PEX5L: variants seen among roughly 807,000 people sequenced by gnomAD.
The protein encoded by PEX5L is peroxisomal biogenesis factor 5 like.
PEX5L carries 30 observed loss-of-function variants against 84.0 expected under a neutral mutation model. The ratio of observed to expected loss-of-function variants is 0.36; its 90% CI spans 0.27 to 0.48. The LOEUF (loss-of-function observed/expected upper bound fraction) is 0.48, where lower values mean the gene tolerates loss of function less well. PEX5L is among the 20% of genes least tolerant of loss of function. PEX5L has a pLI of 0.99. For synonymous variants in PEX5L, 270 were observed against 283.1 expected (o/e 0.95, Z 0.46); for missense variants, 533 against 754.6 (o/e 0.71, Z 3.44).
Position 179,853,764 on chromosome 3 carries a change from CTCT to C in PEX5L, c.822+5295_822+5297del, listed in dbSNP as rs755770618. On this transcript the variant is annotated intron_variant, in intron 8 of 14. Coordinates refer to ENST00000467460, the MANE Select transcript of PEX5L (RefSeq NM_016559.3). ...CAATTTTTCTTTTCTCTTCTTCCTC[CTCT>C]TCTTCTTCTTCTTCTTCCTCTTCCT... is the stretch of plus-strand genomic sequence containing the variant. 5.1e-3 allele frequency among the ~76,000 whole-genome samples: 774 copies of C among 151,332 alleles called. 5 individuals carry two copies. The highest frequency in any genetic ancestry group is 7.8e-3 in the Non-Finnish European group (530 of 67,774).
intron 8 of PEX5L, among the ~76,000 whole-genome samples, chr3:179,853,955 G>T (rs984360513): frequency 3.3e-5 from 5 of 150,620 alleles, no homozygotes; most frequent in Non-Finnish European, 7.4e-5. Flanking sequence ...GGGATGACAA[G>T]TACGTGCCAC....
intron 8 of PEX5L, among the ~76,000 whole-genome samples, chr3:179,832,104 G>T (rs896631286): frequency 6.6e-6 from 1 of 152,086 alleles, no homozygotes; most frequent in Non-Finnish European, 1.5e-5. Flanking sequence ...GTCTATATAA[G>T]AGATGATAGT....
intron 12 of PEX5L, among the ~76,000 whole-genome samples, chr3:179,808,967 G>T (rs548021506): frequency 2.7e-5 from 4 of 150,850 alleles, no homozygotes; most frequent in Non-Finnish European, 5.9e-5. Flanking sequence ...CCAGCTGCTC[G>T]GGAGGCTGAG....
chr3:179,822,482 CTAAT>C (rs745924900), intron 8 of PEX5L, among the ~76,000 whole-genome samples: 38 of 152,194 alleles, frequency 2.5e-4, no homozygotes, highest in Non-Finnish European at 5.4e-4. Context: ...TTACTGCTGA[CTAAT>C]TAAAGTGCAG....
chr3:179,881,177 G>A (rs769842420), intron 4 of PEX5L: 1 of 152,376 alleles, frequency 6.6e-6, no homozygotes, highest in Non-Finnish European at 1.5e-5. Context: ...TTTTCCTCTA[G>A]GTGGGGGATG....
At chr3:179,996,221 C>A (rs1360735216) in intron 1 of PEX5L, among the ~76,000 whole-genome samples, 1 of 152,104 alleles carries the variant, frequency 6.6e-6, no homozygotes, top group Admixed American at 6.6e-5. Flanking sequence ...GTGTGCTACA[C>A]TCGAAAAGAG....
In PEX5L at chr3:179,874,731, TTTTTTTG is replaced by T. The variant is rs1487693282; in HGVS notation, c.630-315_630-309del. 7.5e-3 allele frequency among the ~76,000 whole-genome samples: 450 copies of T among 60,084 alleles called. 13 individuals carry two copies. The highest frequency in any genetic ancestry group is 0.021 in the African/African-American group (385 of 18,238). The allele number at this position is 60,084 out of a possible 152,430, so 39.4% of individuals were successfully genotyped here. ...TGTTTCATAAAAAAATTATGGTTTTTTTTTTTGTTTTTTTTTTTTTTTTTTTTTTTTG... is the reference window on the plus strand; with the variant it reads ...TGTTTCATAAAAAAATTATGGTTTTTTTTTTTTTTTTTTTTTTTTTTTTTG... On this transcript the variant is annotated intron_variant, in intron 6 of 14. Coordinates refer to ENST00000467460, the MANE Select transcript of PEX5L (RefSeq NM_016559.3).
intron 7 of PEX5L, among the ~76,000 whole-genome samples, chr3:179,860,706 C>T (rs748637555): frequency 6.6e-5 from 10 of 152,180 alleles, no homozygotes; most frequent in Admixed American, 2.6e-4. Context: ...TACCAGACAC[C>T]GCTCTAAGTA....
chr3:179,938,738 T>A lies in PEX5L; in HGVS notation c.93+32856A>T, dbSNP rs17692382. Among the ~76,000 whole-genome samples the A allele has an allele frequency of 8.3e-3, 1,263 of 152,334 alleles. 8 individuals carry two copies. The highest frequency in any genetic ancestry group is 0.013 in the Non-Finnish European group (853 of 68,030). ...ACCTGTAAATTCCTTTCTTAAAGTG[T>A]TCCAAATTTATGGATGACATTACTT... On this transcript the variant is annotated intron_variant, in intron 2 of 14. Transcript: ENST00000467460.
At chr3:179,988,709 T>C (rs954820556) in intron 1 of PEX5L, among the ~76,000 whole-genome samples, 11 of 152,254 alleles carry the variant, frequency 7.2e-5, no homozygotes, top group Non-Finnish European at 1.6e-4. Context: ...TAAGTGTGTA[T>C]GTAAACACCT....
intron 5 of PEX5L, 55 bp from the exon 6 acceptor site, chr3:179,875,532 G>A: frequency 1.5e-6 from 2 of 1,319,780 alleles, no homozygotes; most frequent in South Asian, 1.2e-5. Flanking sequence ...GGGGTAGGGG[G>A]AGCGGTGGCG....
rs1277285482 is a variant in PEX5L, at chr3:179,971,696, T to G, written c.22-31A>C. On this transcript the variant is annotated intron_variant, in intron 1 of 14. Coordinates refer to ENST00000467460, the MANE Select transcript of PEX5L (RefSeq NM_016559.3). Reference sequence around the variant, plus strand: ...GAAAGAATAATTTTAAATGATCATTTAGTTTCTATCCATTAACAATCTTAA... The same window carrying G: ...GAAAGAATAATTTTAAATGATCATTGAGTTTCTATCCATTAACAATCTTAA... 1.1e-5 allele frequency: 17 copies of G among 1,560,068 alleles called. No homozygotes were observed. The Middle Eastern group carries it at 6.8e-4, about 63-fold the overall frequency.
chr3:179,973,181 C>T (rs1432626000), intron 1 of PEX5L: 18 of 1,288,642 alleles, frequency 1.4e-5, no homozygotes, highest in Middle Eastern at 2.1e-4. Context: ...TTGCATGACC[C>T]GGTTTCTGGA....
At chr3:179,981,416 G>T (rs2110331756) in intron 1 of PEX5L, among the ~76,000 whole-genome samples, 1 of 152,250 alleles carries the variant, frequency 6.6e-6, no homozygotes, top group African/African-American at 2.4e-5. Flanking sequence ...CCATTGAAGT[G>T]GTCAGTGCAT....
chr3:179,951,237 T>C (rs749716166), intron 2 of PEX5L, among the ~76,000 whole-genome samples: 6 of 152,232 alleles, frequency 3.9e-5, no homozygotes, highest in Non-Finnish European at 7.3e-5. Context: ...AAGACAATTA[T>C]TTTTGTCAGT....
At chr3:180,003,936 A>G (rs56100025) in intron 1 of PEX5L, among the ~76,000 whole-genome samples, 19,395 of 152,212 alleles carry the variant, frequency 0.13, 1,371 homozygotes, top group African/African-American at 0.19. Context: ...AGCAGCTTCT[A>G]CTGACCACTG....
intron 8 of PEX5L, chr3:179,820,638 T>A (rs1728141355): frequency 6.6e-6 from 1 of 152,278 alleles, no homozygotes; most frequent in South Asian, 2.1e-4. Context: ...AAAATGCTAC[T>A]TTGTTTTTGT....
chr3:179,951,703 T>C (rs1372905396), intron 2 of PEX5L, among the ~76,000 whole-genome samples: 2 of 152,152 alleles, frequency 1.3e-5, no homozygotes, highest in African/African-American at 4.8e-5. Context: ...ATTTCCTTTT[T>C]GTGAGACAGA....
intron 1 of PEX5L, among the ~76,000 whole-genome samples, chr3:179,977,193 C>T (rs913718914): frequency 2.0e-5 from 3 of 152,024 alleles, no homozygotes; most frequent in African/African-American, 7.2e-5. Context: ...AAATGTGATT[C>T]CTTGAGAGAT....
Sources: gnomAD v4.1 joint callset for allele counts (sites outside exome capture counted in the v4.1 genomes callset) on GRCh38, gnomAD v4.1.1 for gene constraint, MANE v1.5 for transcripts, NCBI Gene and HGNC (gene_info 2026-07-23, HGNC 2026-07-21) for gene names.